Variants in HS6ST3 observed in about 807,000 individuals in gnomAD.
The protein encoded by HS6ST3 is heparan-sulfate 6-O-sulfotransferase 3.
A neutral mutation model predicts 36.7 loss-of-function variants in HS6ST3; 12 were observed. That is an observed-to-expected ratio of 0.33 (90% confidence interval 0.21 to 0.53). HS6ST3 has a LOEUF of 0.53. Among genes scored for constraint, HS6ST3 ranks in the 20% least tolerant of loss-of-function variants. HS6ST3 has a pLI of 0.95. For synonymous variants in HS6ST3, 240 were observed against 257.5 expected (o/e 0.93, Z 0.65); for missense variants, 584 against 640.9 (o/e 0.91, Z 0.96).
At chr13:96,446,430 G>A (rs1032447317) in intron 1 of HS6ST3, among the ~76,000 whole-genome samples, 5 of 152,078 alleles carry the variant, frequency 3.3e-5, no homozygotes, top group African/African-American at 1.2e-4. Context: ...TCTTAACGAA[G>A]AAAGAACTCT....
intron 1 of HS6ST3, among the ~76,000 whole-genome samples, chr13:96,279,265 C>G (rs1874156892): frequency 6.6e-6 from 1 of 152,096 alleles, no homozygotes; most frequent in South Asian, 2.1e-4. Context: ...AATCATTATG[C>G]TAATGCTGTC....
intron 1 of HS6ST3, among the ~76,000 whole-genome samples, chr13:96,421,050 A>G (rs1241246319): frequency 6.6e-6 from 1 of 152,208 alleles, no homozygotes; most frequent in African/African-American, 2.4e-5. Context: ...TTCCTGACCA[A>G]TATGAGACCC....
chr13:96,480,357 G>A (rs560577609), intron 1 of HS6ST3, among the ~76,000 whole-genome samples: 3 of 152,188 alleles, frequency 2.0e-5, no homozygotes, highest in Non-Finnish European at 2.9e-5. Context: ...CAGGTGATCT[G>A]CCCGCCTCGA....
chr13:96,687,672 A>C (rs970928040), intron 1 of HS6ST3, among the ~76,000 whole-genome samples: 8 of 151,946 alleles, frequency 5.3e-5, no homozygotes, highest in African/African-American at 1.9e-4. Context: ...TCTAAACATT[A>C]TTGCGGATAA....
rs1566460366 is a variant in HS6ST3, at chr13:96,814,738, CG to C, written c.708-17749del. Among the ~76,000 whole-genome samples, 4 of 151,918 alleles carry C rather than the reference CG, an allele frequency of 2.6e-5. No individual in the cohort carries two copies. The East Asian group carries it at 7.7e-4, about 29-fold the overall frequency. On this transcript the variant is annotated intron_variant, in intron 1 of 1. Coordinates refer to ENST00000376705, the MANE Select transcript of HS6ST3 (RefSeq NM_153456.4). The stretch of plus-strand genomic sequence containing the variant: ...TTCCCTTTCATATCTGACAAGTTGC[CG>C]GGTCCCCACTATTTGTCTTACCTAT...
intron 1 of HS6ST3, among the ~76,000 whole-genome samples, chr13:96,804,776 C>T (rs1878157747): frequency 6.6e-6 from 1 of 152,114 alleles, no homozygotes; most frequent in Admixed American, 6.6e-5. Flanking sequence ...CGTAAAAATT[C>T]AGTGAAAGAG....
At chr13:96,370,165 G>A (rs905764966) in intron 1 of HS6ST3, among the ~76,000 whole-genome samples, 1 of 152,092 alleles carries the variant, frequency 6.6e-6, no homozygotes, top group Non-Finnish European at 1.5e-5. Flanking sequence ...TGATTTATTC[G>A]GTCTCAGGTG....
intron 1 of HS6ST3, among the ~76,000 whole-genome samples, chr13:96,700,835 C>G (rs1296555123): frequency 6.6e-6 from 1 of 152,172 alleles, no homozygotes; most frequent in Non-Finnish European, 1.5e-5. Context: ...CACACTTCCT[C>G]TAGAGTGAAT....
Position 96,141,611 on chromosome 13 carries a change from T to C in HS6ST3, c.707+50042T>C, listed in dbSNP as rs75771748. Among the ~76,000 whole-genome samples, 170 of 152,248 alleles carry C rather than the reference T, an allele frequency of 1.1e-3. 1 individual carries two copies. The highest frequency in any genetic ancestry group is 6.8e-3 in the Middle Eastern group (2 of 294). On this transcript the variant is annotated intron_variant, in intron 1 of 1. Transcript: ENST00000376705. ...CCAGTGTTGGGATTAAGATGTGAGC[T>C]ACCATGCCTGGCCTAGTGACTGTCT...
At chr13:96,714,539 G>C (rs1875643869) in intron 1 of HS6ST3, among the ~76,000 whole-genome samples, 1 of 152,058 alleles carries the variant, frequency 6.6e-6, no homozygotes, top group Non-Finnish European at 1.5e-5. Context: ...AAGTGTTGCT[G>C]GTAGGAATTT....
At chr13:96,751,958 G>A (rs1014665290) in intron 1 of HS6ST3, among the ~76,000 whole-genome samples, 4 of 151,728 alleles carry the variant, frequency 2.6e-5, no homozygotes, top group Non-Finnish European at 5.9e-5. Flanking sequence ...CTCACAAACT[G>A]TTCACTAAAG....
intron 1 of HS6ST3, among the ~76,000 whole-genome samples, chr13:96,800,000 A>ATATATATGTGTATATATATATATG (rs1878025768): frequency 2.2e-5 from 2 of 89,392 alleles, no homozygotes; most frequent in African/African-American, 1.1e-4. Flanking sequence ...ATATATATGT[A>ATATATATGTGTATATATATATATG]TATATATATA....
chr13:96,762,433 C>G (rs1057372609), intron 1 of HS6ST3, among the ~76,000 whole-genome samples: 2 of 152,168 alleles, frequency 1.3e-5, no homozygotes, highest in Non-Finnish European at 2.9e-5. Flanking sequence ...TGAGCCGATA[C>G]AGTGCCACTG....
At chr13:96,282,113 G>A (rs553362149) in intron 1 of HS6ST3, among the ~76,000 whole-genome samples, 3 of 152,120 alleles carry the variant, frequency 2.0e-5, no homozygotes, top group East Asian at 3.9e-4. Context: ...CACATCTAAT[G>A]TACCTTCTTT....
intron 1 of HS6ST3, among the ~76,000 whole-genome samples, chr13:96,566,234 G>A (rs183471770): frequency 1.4e-4 from 21 of 152,118 alleles, no homozygotes; most frequent in Non-Finnish European, 2.9e-4. Context: ...CTAACATTCG[G>A]TTGATAGAAG....
Position 96,832,645 on chromosome 13 carries a change from A to T in HS6ST3, c.863A>T (p.Asp288Val), listed in dbSNP as rs1878831907. 1.9e-6 allele frequency: 3 copies of T among 1,614,104 alleles called. No homozygotes were observed. The highest frequency in any genetic ancestry group is 1.7e-5 in the Admixed American group (1 of 60,022). ...GAGCTGCCTACCTGCTACCCTGGGG[A>T]TGACTGGTCTGGGGTCAGCTTGCGG... The part of the protein sequence containing the change: ...PDELPTCYPG[D>V]DWSGVSLREF... Residue 288 changes from aspartate (D) to valine (V), a missense_variant, in exon 2 of 2, where the codon GAT becomes GTT. Transcript: ENST00000376705.
chr13:96,417,594 G>A (rs1274939993), intron 1 of HS6ST3, among the ~76,000 whole-genome samples: 3 of 145,234 alleles, frequency 2.1e-5, no homozygotes, highest in African/African-American at 7.6e-5. Flanking sequence ...ATATATATGT[G>A]TGTGTGTGTG....
In HS6ST3 at chr13:96,264,549, G is replaced by GTCTCTCT. The variant is rs1371262503; in HGVS notation, c.707+172982_707+172988dup. Among the ~76,000 whole-genome samples the GTCTCTCT allele has an allele frequency of 7.2e-5, 11 of 152,240 alleles. No homozygotes were observed. The East Asian group carries it at 1.9e-3, about 27-fold the overall frequency. On this transcript the variant is annotated intron_variant, in intron 1 of 1. Transcript: ENST00000376705. ...GTACTACCAAATAATGAACAACCTG[G>GTCTCTCT]TCTCTCTTTAAAGTTGTTCTGTCTA...
intron 1 of HS6ST3, among the ~76,000 whole-genome samples, chr13:96,706,239 T>C (rs1875419161): frequency 6.6e-6 from 1 of 151,748 alleles, no homozygotes; most frequent in Non-Finnish European, 1.5e-5. Flanking sequence ...GAACATTAGT[T>C]CCCGGATGCT....
Sources: gnomAD v4.1 joint callset for allele counts (sites outside exome capture counted in the v4.1 genomes callset) on GRCh38, gnomAD v4.1.1 for gene constraint, MANE v1.5 for transcripts, NCBI Gene and HGNC (gene_info 2026-07-23, HGNC 2026-07-21) for gene names.